Variants in KCNAB1 observed in about 807,000 individuals in gnomAD.
The protein encoded by KCNAB1 is voltage-gated potassium channel subunit beta-1.
A neutral mutation model predicts 64.6 loss-of-function variants in KCNAB1; 35 were observed. That is an observed-to-expected ratio of 0.54 (90% confidence interval 0.41 to 0.72). The LOEUF is 0.72. KCNAB1 is among the 30% of genes least tolerant of loss of function. The pLI is 0.00. For missense variants in KCNAB1, 401 were observed against 512.9 expected, an observed-to-expected ratio of 0.78 and a Z score of 2.11; for synonymous variants, 177 against 183.8, an observed-to-expected ratio of 0.96 and a Z score of 0.30.
At chr3:156,270,369 C>CT (rs1388672926) in intron 1 of KCNAB1, among the ~76,000 whole-genome samples, 2 of 150,930 alleles carry the variant, frequency 1.3e-5, no homozygotes, top group African/African-American at 4.9e-5. Flanking sequence ...TCCTTCTTTT[C>CT]TTTTTTTCTG....
intron 8 of KCNAB1, among the ~76,000 whole-genome samples, chr3:156,490,892 T>C (rs1285308388): frequency 1.3e-5 from 2 of 152,102 alleles, no homozygotes; most frequent in Non-Finnish European, 2.9e-5. Flanking sequence ...AGAAACATTA[T>C]CATGAGATTT....
intron 1 of KCNAB1, among the ~76,000 whole-genome samples, chr3:156,137,311 A>T (rs1028248124): frequency 2.6e-5 from 4 of 152,082 alleles, no homozygotes; most frequent in African/African-American, 9.7e-5. Context: ...GAGACTGAAG[A>T]TGCTACCTTT....
intron 2 of KCNAB1, among the ~76,000 whole-genome samples, chr3:156,443,641 G>A (rs904882256): frequency 2.0e-5 from 3 of 152,096 alleles, no homozygotes; most frequent in Non-Finnish European, 2.9e-5. Flanking sequence ...GGTGGAGGCT[G>A]AGGATGTCTT....
intron 1 of KCNAB1, among the ~76,000 whole-genome samples, chr3:156,356,118 TA>T (rs369640404): frequency 0.19 from 16,316 of 88,080 alleles, 2,166 homozygotes; most frequent in African/African-American, 0.43. Flanking sequence ...TGGGACCCTG[TA>T]AAAAAAAAAA....
chr3:156,515,281 G>A, intron 10 of KCNAB1, 61 bp downstream of exon 10: 1 of 1,489,850 alleles, frequency 6.7e-7, no homozygotes, highest in Admixed American at 2.0e-5. Flanking sequence ...CTGATTCGGG[G>A]AAAAAATAAA....
chr3:156,424,528 A>G (rs1715689709), intron 2 of KCNAB1, among the ~76,000 whole-genome samples: 1 of 152,134 alleles, frequency 6.6e-6, no homozygotes, highest in Non-Finnish European at 1.5e-5. Context: ...ATATCTTTAC[A>G]GTAAATAACT....
intron 1 of KCNAB1, among the ~76,000 whole-genome samples, chr3:156,325,478 T>C (rs1051085016): frequency 1.3e-5 from 2 of 152,158 alleles, no homozygotes; most frequent in African/African-American, 4.8e-5. Flanking sequence ...ATTTGATGGA[T>C]TTCAGAAAGA....
At chr3:156,125,111 C>T (rs1002021365) in intron 1 of KCNAB1, among the ~76,000 whole-genome samples, 2 of 151,426 alleles carry the variant, frequency 1.3e-5, no homozygotes, top group Non-Finnish European at 2.9e-5. Context: ...GCACTCCAGC[C>T]TGGGTGACAG....
chr3:156,415,404 C>T (rs1426568174), intron 1 of KCNAB1, among the ~76,000 whole-genome samples: 1 of 152,176 alleles, frequency 6.6e-6, no homozygotes, highest in Non-Finnish European at 1.5e-5. Context: ...AGCCAAGCAA[C>T]CTGCCCAAGG....
At chr3:156,494,073 T>C (rs1441727095) in intron 8 of KCNAB1, among the ~76,000 whole-genome samples, 6 of 152,134 alleles carry the variant, frequency 3.9e-5, no homozygotes, top group Non-Finnish European at 7.4e-5. Context: ...AATTTTAGCG[T>C]TCATCAGTGA....
intron 1 of KCNAB1, among the ~76,000 whole-genome samples, chr3:156,359,349 G>GGGGA (rs1488479503): frequency 6.6e-6 from 1 of 152,162 alleles, no homozygotes; most frequent in Non-Finnish European, 1.5e-5. Context: ...GTGGCTCAGA[G>GGGGA]GGGACATCAG....
At chr3:156,306,213 G>A (rs925982047) in intron 1 of KCNAB1, among the ~76,000 whole-genome samples, 1 of 151,776 alleles carries the variant, frequency 6.6e-6, no homozygotes, top group Non-Finnish European at 1.5e-5. Flanking sequence ...ATCTGATGTG[G>A]TGCACAGAAG....
rs1461390281 is a variant in KCNAB1 at position 156,120,806 on chromosome 3, A to G, written c.195A>G (p.Glu65=). Residue 65 remains glutamate, a synonymous_variant, in exon 1 of 14, where the codon GAA becomes GAG. Transcript: ENST00000490337. ...LRARQLALLR[E]VEMNWYLKLC... Reference sequence around the variant, plus strand: ...CGCGTCAACTGGCTCTGCTGCGCGAAGTGGAGATGAACTGGTACCTAAAGC... The same window carrying G: ...CGCGTCAACTGGCTCTGCTGCGCGAGGTGGAGATGAACTGGTACCTAAAGC... The G allele has an allele frequency of 6.2e-7, 1 of 1,614,146 alleles. No homozygotes were observed. Among genetic ancestry groups the G allele is most frequent in the Non-Finnish European group, 8.5e-7 (1 of 1,180,058 alleles).
chr3:156,460,274 A>G (rs1272164731), intron 5 of KCNAB1: 4 of 167,116 alleles, frequency 2.4e-5, no homozygotes, highest in Middle Eastern at 2.7e-3. Flanking sequence ...ATGCAAAGGA[A>G]TGATGAAACA....
At chr3:156,294,506 T>C (rs1440206149) in intron 1 of KCNAB1, among the ~76,000 whole-genome samples, 1 of 152,204 alleles carries the variant, frequency 6.6e-6, no homozygotes, top group Non-Finnish European at 1.5e-5. Flanking sequence ...AGACTAATTA[T>C]ATACTTTATA....
intron 1 of KCNAB1, among the ~76,000 whole-genome samples, chr3:156,350,313 A>G (rs1442966459): frequency 3.9e-5 from 6 of 152,136 alleles, no homozygotes; most frequent in Non-Finnish European, 7.4e-5. Flanking sequence ...ACTTTGGGAG[A>G]CAGGGATAGG....
At chr3:156,483,551 T>C (rs1466582523) in intron 8 of KCNAB1, among the ~76,000 whole-genome samples, 1 of 152,156 alleles carries the variant, frequency 6.6e-6, no homozygotes, top group Non-Finnish European at 1.5e-5. Flanking sequence ...CACTTAGTTT[T>C]ACCATGCTCA....
intron 1 of KCNAB1, among the ~76,000 whole-genome samples, chr3:156,307,993 T>C (rs927668591): frequency 6.6e-6 from 1 of 152,022 alleles, no homozygotes; most frequent in Non-Finnish European, 1.5e-5. Flanking sequence ...GAAAAGCTTA[T>C]ATTGTAGAAG....
intron 1 of KCNAB1, among the ~76,000 whole-genome samples, chr3:156,307,450 A>G (rs1721579466): frequency 6.6e-6 from 1 of 151,888 alleles, no homozygotes; most frequent in Admixed American, 6.6e-5. Context: ...CAGTACACTT[A>G]TGTCTCAAAA....
Sources: allele counts gnomAD v4.1 joint callset (sites outside exome capture counted in the v4.1 genomes callset), GRCh38; gene constraint gnomAD v4.1.1; transcripts MANE v1.5; gene names NCBI Gene and HGNC (gene_info 2026-07-23, HGNC 2026-07-21).